RAPH1: variants seen among roughly 807,000 people sequenced by gnomAD.
The protein encoded by RAPH1 is Ras association (RalGDS/AF-6) and pleckstrin homology domains 1.
A neutral mutation model predicts 88.1 loss-of-function variants in RAPH1; 18 were observed. That is an observed-to-expected ratio of 0.20 (90% CI 0.14 to 0.30). The LOEUF (loss-of-function observed/expected upper bound fraction) is 0.30. Among genes scored for constraint, RAPH1 ranks in the 10% least tolerant of loss-of-function variants. RAPH1 has a pLI of 1.00. For synonymous variants in RAPH1, 587 were observed against 559.0 expected, an observed-to-expected ratio of 1.05 and a Z score of -0.71; for missense variants, 1,448 against 1,543.2, an observed-to-expected ratio of 0.94 and a Z score of 1.03.
chr2:203,528,737 A>G (rs1690238638), intron 1 of RAPH1, among the ~76,000 whole-genome samples: 1 of 151,966 alleles, frequency 6.6e-6, no homozygotes, highest in African/African-American at 2.4e-5. Context: ...CTTAGGGTAA[A>G]AAAATTTTGA....
chr2:203,514,604 G>A (rs1689513743), intron 1 of RAPH1, among the ~76,000 whole-genome samples: 1 of 152,032 alleles, frequency 6.6e-6, no homozygotes. Context: ...GCCCAGGCTG[G>A]AGTGCAGTGG....
At chr2:203,502,723 G>T (rs546573905) in intron 1 of RAPH1, among the ~76,000 whole-genome samples, 1 of 151,746 alleles carries the variant, frequency 6.6e-6, no homozygotes, top group African/African-American at 2.4e-5. Flanking sequence ...GGGAGGCTGA[G>T]GCAGAAGAAT....
chr2:203,514,005 G>A (rs1689485862), intron 1 of RAPH1, among the ~76,000 whole-genome samples: 1 of 151,884 alleles, frequency 6.6e-6, no homozygotes, highest in African/African-American at 2.4e-5. Flanking sequence ...ACCACACCCA[G>A]CTAATTTTTG....
chr2:203,480,858 C>A (rs1687689385), intron 4 of RAPH1, among the ~76,000 whole-genome samples: 1 of 152,182 alleles, frequency 6.6e-6, no homozygotes, highest in African/African-American at 2.4e-5. Context: ...TGGGTTCAAG[C>A]CCCAGCGTGG....
intron 1 of RAPH1, among the ~76,000 whole-genome samples, chr2:203,507,846 T>A (rs1383387016): frequency 1.1e-4 from 16 of 152,160 alleles, no homozygotes. Flanking sequence ...ATCACAGTAT[T>A]GAATCAATGT....
chr2:203,495,409 A>C, intron 1 of RAPH1, 56 bp from the exon 2 acceptor site: 1 of 1,580,548 alleles, frequency 6.3e-7, no homozygotes, highest in Non-Finnish European at 8.7e-7. Context: ...TAACTTGAAA[A>C]ATTATGCCAT....
chr2:203,510,785 A>G (rs1004502397), intron 1 of RAPH1, among the ~76,000 whole-genome samples: 9 of 152,114 alleles, frequency 5.9e-5, no homozygotes, highest in African/African-American at 2.2e-4. Flanking sequence ...AATAAAACTC[A>G]CTGAGTGTAC....
At chr2:203,504,161 C>T (rs1255943364) in intron 1 of RAPH1, among the ~76,000 whole-genome samples, 1 of 152,204 alleles carries the variant, frequency 6.6e-6, no homozygotes, top group Admixed American at 6.5e-5. Flanking sequence ...CTAGGCAGTG[C>T]CCCAGTGGGG....
In RAPH1 at chr2:203,535,133, C is replaced by G. The variant is rs949220862; in HGVS notation, c.-23G>C. The G allele has an allele frequency of 6.6e-6, 1 of 151,938 alleles. No homozygotes were observed. Among genetic ancestry groups the G allele is most frequent in the African/African-American group, 2.4e-5 (1 of 41,290 alleles). The allele number at this position is 151,938 out of a possible 1,614,324, so 9.4% of individuals were successfully genotyped here. A position where few individuals can be genotyped will look rare whatever the true frequency, so the allele number is the denominator to read the frequency against. ...CACCGCGGCAGTCGGTCGGCCTTCC[C>G]GCGGCCCCGGGCAAGGAAACCGCCG... On this transcript the variant is annotated 5_prime_UTR_variant, in exon 1 of 14. Transcript: ENST00000319170.
intron 1 of RAPH1, among the ~76,000 whole-genome samples, chr2:203,510,065 T>C (rs1001808837): frequency 2.0e-5 from 3 of 152,144 alleles, no homozygotes; most frequent in Non-Finnish European, 4.4e-5. Flanking sequence ...TTCTTTATAG[T>C]AATATGAGAA....
intron 1 of RAPH1, among the ~76,000 whole-genome samples, chr2:203,533,975 C>T (rs1300915262): frequency 2.0e-5 from 3 of 152,190 alleles, no homozygotes; most frequent in African/African-American, 7.2e-5. Flanking sequence ...CGGTTTCCCC[C>T]ACTCCGAAGA....
chr2:203,449,040 A>G (rs1379259060), intron 10 of RAPH1, among the ~76,000 whole-genome samples: 1 of 152,238 alleles, frequency 6.6e-6, no homozygotes, highest in Non-Finnish European at 1.5e-5. Flanking sequence ...CTTTTGTGAA[A>G]TTTTAGATCA....
Position 203,441,638 on chromosome 2 carries a change from A to G in RAPH1, c.1777-225T>C, listed in dbSNP as rs1050093971. On this transcript the variant is annotated intron_variant, in intron 13 of 13. Coordinates refer to ENST00000319170, the MANE Select transcript of RAPH1 (RefSeq NM_213589.3). Reference sequence around the variant, plus strand: ...GAAAACTTGTTTTACCCCACAGTAAAATAGCTAGACCATCTAACAATCTAG... The same window carrying G: ...GAAAACTTGTTTTACCCCACAGTAAGATAGCTAGACCATCTAACAATCTAG... 2.2e-6 allele frequency: 3 copies of G among 1,343,870 alleles called. No individual in the cohort carries two copies. In the African/African-American group the frequency reaches 4.5e-5, roughly 20 times the overall value. The allele number at this position is 1,343,870 out of a possible 1,614,324, so 83.2% of individuals were successfully genotyped here.
intron 5 of RAPH1, 61 bp from the exon 6 acceptor site, chr2:203,461,469 T>G: frequency 8.2e-7 from 1 of 1,226,452 alleles, no homozygotes; most frequent in Non-Finnish European, 1.1e-6. Context: ...GGAAAGGCAC[T>G]GATCCAATAT....
At chr2:203,455,380 CA>C in intron 9 of RAPH1, 56 bp downstream of exon 9, 2 of 1,552,866 alleles carry the variant, frequency 1.3e-6, no homozygotes, top group South Asian at 2.4e-5. Flanking sequence ...ATACTCAATA[CA>C]AATTAAAAGC....
Position 203,440,270 on chromosome 2 carries a change from T to A in RAPH1, c.2920A>T (p.Thr974Ser). The A allele has an allele frequency of 6.2e-7, 1 of 1,613,590 alleles. No homozygotes were observed. The highest frequency in any genetic ancestry group is 8.5e-7 in the Non-Finnish European group (1 of 1,179,902). The change falls in exon 14 of 14, where the codon ACC (threonine) becomes TCC (serine). Residue 974 changes from threonine to serine, a missense_variant. Transcript: ENST00000319170. Reference protein sequence around the residue: ...SSPGGKKPPPTPQRNSSIKSS... With the variant: ...SSPGGKKPPPSPQRNSSIKSS... ...TTAATGCTGGAGTTGCGCTGTGGGG[T>A]TGGGGGTGGTTTCTTTCCCCCAGGG...
intron 1 of RAPH1, among the ~76,000 whole-genome samples, chr2:203,523,165 G>A (rs929427878): frequency 2.0e-5 from 3 of 151,618 alleles, no homozygotes; most frequent in African/African-American, 7.3e-5. Flanking sequence ...AGGCCGAGGC[G>A]GGCGGATCAT....
intron 4 of RAPH1, among the ~76,000 whole-genome samples, chr2:203,478,224 CG>C (rs1391934649): frequency 1.3e-5 from 2 of 151,858 alleles, no homozygotes; most frequent in South Asian, 2.1e-4. Context: ...TTAGTAGAGA[CG>C]GGGTTTCACA....
rs147852519 is a variant in RAPH1, at chr2:203,452,873, G to A, written c.1413+1557C>T. On this transcript the variant is annotated intron_variant, in intron 10 of 13. Coordinates refer to ENST00000319170, the MANE Select transcript of RAPH1 (RefSeq NM_213589.3). ...TAAGGCATGAGAACTACTTGAACCC[G>A]GGAGGCAGAGGTTGCAGTGAGCCGA... Among the ~76,000 whole-genome samples the A allele has an allele frequency of 9.2e-5, 14 of 152,116 alleles. No homozygotes were observed. In the East Asian group the frequency reaches 1.6e-3, roughly 17 times the overall value.
Sources: allele counts gnomAD v4.1 joint callset (sites outside exome capture counted in the v4.1 genomes callset), GRCh38; gene constraint gnomAD v4.1.1; transcripts MANE v1.5; gene names NCBI Gene and HGNC (gene_info 2026-07-23, HGNC 2026-07-21).